The following ZNF804B variants were observed in gnomAD, a reference collection of about 807,000 sequenced individuals.
ZNF804B encodes the protein zinc finger protein 804B, also known as zinc finger 804B.
A neutral mutation model predicts 101.4 loss-of-function variants in ZNF804B; 80 were observed. The observed-to-expected ratio is 0.79, with a 90% CI of 0.66 to 0.95. The LOEUF is 0.95. Among genes scored for constraint, ZNF804B ranks in the 40% least tolerant of loss-of-function variants. The pLI is 0.00. For synonymous variants in ZNF804B, 622 were observed against 558.8 expected (o/e 1.11, Z -1.59); for missense variants, 1,673 against 1,561.9 (o/e 1.07, Z -1.20).
chr7:89,280,087 A>G (rs1348892958), intron 2 of ZNF804B, among the ~76,000 whole-genome samples: 1 of 152,174 alleles, frequency 6.6e-6, no homozygotes, highest in African/African-American at 2.4e-5. Flanking sequence ...TCAAACTAGA[A>G]CTCGGGATTA....
At chr7:89,277,617 C>G (rs367645337) in intron 2 of ZNF804B, among the ~76,000 whole-genome samples, 4 of 150,302 alleles carry the variant, frequency 2.7e-5, no homozygotes, top group South Asian at 2.1e-4. Context: ...TTTTGTTCTT[C>G]CGATACTTTA....
chr7:89,308,831 G>T (rs1304339143), intron 2 of ZNF804B, among the ~76,000 whole-genome samples: 1 of 152,172 alleles, frequency 6.6e-6, no homozygotes, highest in Non-Finnish European at 1.5e-5. Flanking sequence ...ATGTAAAAAA[G>T]TAGAAGTGGC....
intron 1 of ZNF804B, among the ~76,000 whole-genome samples, chr7:88,885,833 C>T (rs377278991): frequency 8.2e-4 from 125 of 151,658 alleles, no homozygotes; most frequent in African/African-American, 2.7e-3. Context: ...TGAAAATCAC[C>T]ATACATTGTG....
intron 1 of ZNF804B, among the ~76,000 whole-genome samples, chr7:89,022,113 C>G (rs1788677293): frequency 6.6e-6 from 1 of 152,044 alleles, no homozygotes; most frequent in East Asian, 1.9e-4. Flanking sequence ...TCATAGGAGA[C>G]AGGATAGTAG....
chr7:88,871,065 A>G (rs1791816087), intron 1 of ZNF804B, among the ~76,000 whole-genome samples: 1 of 152,248 alleles, frequency 6.6e-6, no homozygotes, highest in Non-Finnish European at 1.5e-5. Context: ...TCAATTCTGC[A>G]AGGAAGGGAG....
intron 1 of ZNF804B, among the ~76,000 whole-genome samples, chr7:88,947,745 A>G (rs1158740054): frequency 6.6e-6 from 1 of 151,934 alleles, no homozygotes; most frequent in Non-Finnish European, 1.5e-5. Context: ...CACTATGTAT[A>G]TGAAAATATT....
chr7:89,052,674 T>G (rs1789225227), intron 1 of ZNF804B, among the ~76,000 whole-genome samples: 1 of 152,124 alleles, frequency 6.6e-6, no homozygotes, highest in Non-Finnish European at 1.5e-5. Flanking sequence ...AGCACAGAAC[T>G]CAAACCTCGT....
At chr7:88,839,194 C>G (rs151075669) in intron 1 of ZNF804B, among the ~76,000 whole-genome samples, 30 of 152,048 alleles carry the variant, frequency 2.0e-4, no homozygotes, top group Admixed American at 3.9e-4. Context: ...ATAGAAAAAC[C>G]TGGGTTCCTA....
chr7:89,214,879 G>A (rs1788865917), intron 1 of ZNF804B, among the ~76,000 whole-genome samples: 1 of 152,166 alleles, frequency 6.6e-6, no homozygotes, highest in South Asian at 2.1e-4. Context: ...TTACATGTGT[G>A]GATAGATCGT....
chr7:89,195,781 A>G (rs1308903474), intron 1 of ZNF804B, among the ~76,000 whole-genome samples: 1 of 152,020 alleles, frequency 6.6e-6, no homozygotes, highest in Non-Finnish European at 1.5e-5. Flanking sequence ...GAGCCAAATC[A>G]TGAAAGAACT....
intron 2 of ZNF804B, among the ~76,000 whole-genome samples, chr7:89,267,148 T>C (rs1291292202): frequency 6.6e-6 from 1 of 152,172 alleles, no homozygotes; most frequent in East Asian, 1.9e-4. Context: ...TTTGTTGATA[T>C]TGATCCTTTG....
intron 1 of ZNF804B, among the ~76,000 whole-genome samples, chr7:88,928,197 C>G (rs1366640137): frequency 6.6e-6 from 1 of 152,110 alleles, no homozygotes; most frequent in Non-Finnish European, 1.5e-5. Context: ...AAATAATCTA[C>G]TCCTGACTTT....
intron 1 of ZNF804B, among the ~76,000 whole-genome samples, chr7:88,914,468 G>A (rs1420542344): frequency 1.3e-5 from 2 of 152,068 alleles, no homozygotes; most frequent in African/African-American, 4.8e-5. Context: ...ACTTGAAGTG[G>A]AATACCAATT....
chr7:88,800,642 T>TAAA (rs1790563296), intron 1 of ZNF804B, among the ~76,000 whole-genome samples: 1 of 151,588 alleles, frequency 6.6e-6, no homozygotes, highest in Non-Finnish European at 1.5e-5. Context: ...ACATTTAAAT[T>TAAA]TGGCTGGAAG....
chr7:88,832,218 TACAA>T (rs772984802), intron 1 of ZNF804B, among the ~76,000 whole-genome samples: 3 of 151,884 alleles, frequency 2.0e-5, no homozygotes, highest in Non-Finnish European at 2.9e-5. Context: ...ATGCCATAAA[TACAA>T]ACAATTATCA....
intron 1 of ZNF804B, among the ~76,000 whole-genome samples, chr7:89,092,449 C>T (rs1789908328): frequency 8.0e-6 from 1 of 124,712 alleles, no homozygotes; most frequent in East Asian, 3.0e-4. Context: ...GTCTCACTCT[C>T]TTGCCCAGGC....
intron 1 of ZNF804B, among the ~76,000 whole-genome samples, chr7:88,899,031 C>G (rs1302675024): frequency 6.6e-6 from 1 of 152,100 alleles, no homozygotes; most frequent in East Asian, 1.9e-4. Flanking sequence ...GGTACACATC[C>G]CCATCCCCAA....
At chr7:89,060,210 A>G (rs1413332322) in intron 1 of ZNF804B, among the ~76,000 whole-genome samples, 1 of 152,098 alleles carries the variant, frequency 6.6e-6, no homozygotes, top group Admixed American at 6.6e-5. Flanking sequence ...TCTGCTAATA[A>G]GTCCACTATA....
intron 1 of ZNF804B, among the ~76,000 whole-genome samples, chr7:89,199,333 C>T (rs746332686): frequency 2.0e-5 from 3 of 151,824 alleles, no homozygotes; most frequent in African/African-American, 7.3e-5. Context: ...CTCTTCTACT[C>T]TAACCTGCCA....
Sources: gnomAD v4.1 joint callset for allele counts (sites outside exome capture counted in the v4.1 genomes callset) on GRCh38, gnomAD v4.1.1 for gene constraint, MANE v1.5 for transcripts, NCBI Gene and HGNC (gene_info 2026-07-23, HGNC 2026-07-21) for gene names.